The following NSMAF variants were observed in gnomAD, a reference collection of about 807,000 sequenced individuals.
NSMAF encodes the protein neutral sphingomyelinase activation associated factor.
NSMAF carries 90 observed loss-of-function variants against 134.9 expected under a neutral mutation model. That is an observed-to-expected ratio of 0.67 (90% CI 0.56 to 0.79). The LOEUF is 0.79. Ranked by LOEUF, NSMAF falls within the 30% of genes least tolerant of loss-of-function variation. NSMAF has a pLI of 0.00. For synonymous variants in NSMAF, 358 were observed against 389.6 expected (o/e 0.92, Z 0.96); for missense variants, 1,010 against 1,119.0 (o/e 0.90, Z 1.39).
intron 24 of NSMAF, among the ~76,000 whole-genome samples, 175 bp downstream of exon 24, chr8:58,590,692 A>G (rs1806001420): frequency 6.6e-6 from 1 of 152,228 alleles, no homozygotes; most frequent in African/African-American, 2.4e-5. Flanking sequence ...AGAAAGTGGT[A>G]ACCTGAAAAA....
intron 12 of NSMAF, 70 bp downstream of exon 12, chr8:58,605,857 G>T (rs184713109): frequency 0.042 from 58,705 of 1,408,664 alleles, 1,446 homozygotes; most frequent in African/African-American, 0.067. Context: ...TCCAGCCTGG[G>T]TGACAGAGCG....
chr8:58,620,197 T>C (rs1192844808), intron 9 of NSMAF, among the ~76,000 whole-genome samples: 1 of 152,164 alleles, frequency 6.6e-6, no homozygotes, highest in African/African-American at 2.4e-5. Context: ...TAGGTACTTA[T>C]TGCAACTTGA....
chr8:58,606,819 C>G (rs1181633104), intron 11 of NSMAF, among the ~76,000 whole-genome samples: 2 of 152,146 alleles, frequency 1.3e-5, no homozygotes, highest in Non-Finnish European at 2.9e-5. Context: ...ATTTCTTCAC[C>G]TGTAAAATAC....
intron 2 of NSMAF, among the ~76,000 whole-genome samples, chr8:58,638,786 A>G (rs1807261833): frequency 6.6e-6 from 1 of 152,198 alleles, no homozygotes; most frequent in South Asian, 2.1e-4. Flanking sequence ...TACATAAAAC[A>G]AAAAGCTTCT....
At chr8:58,614,900 G>A (rs1806621861) in intron 9 of NSMAF, among the ~76,000 whole-genome samples, 1 of 152,060 alleles carries the variant, frequency 6.6e-6, no homozygotes, top group African/African-American at 2.4e-5. Context: ...TTGAAAAGCA[G>A]AGATTGTCAG....
Position 58,623,765 on chromosome 8 carries a change from CAT to C in NSMAF, c.398_399del (p.Tyr133CysfsTer3), listed in dbSNP as rs1337712671. On this transcript the variant is annotated frameshift_variant, in exon 7 of 31. Transcript: ENST00000038176. LOFTEE classifies it high-confidence loss of function. ...PYKIERGKME[Y>X]VFELDVPGKV... ...TTCCCGGGAACATCCAATTCAAAAA[CAT>C]ATTCCATTTTGCCCTAACAAAAAGG... 6.2e-7 allele frequency: 1 copy of C among 1,614,030 alleles called. No homozygotes were observed. Among genetic ancestry groups the C allele is most frequent in the Non-Finnish European group, 8.5e-7 (1 of 1,179,938 alleles).
intron 1 of NSMAF, among the ~76,000 whole-genome samples, chr8:58,649,486 G>A (rs979472851): frequency 6.6e-6 from 1 of 152,090 alleles, no homozygotes; most frequent in African/African-American, 2.4e-5. Flanking sequence ...AGATTTAGGG[G>A]GCCAGGGGCA....
chr8:58,635,655 G>A, intron 2 of NSMAF, 109 bp from the exon 3 acceptor site: 2 of 657,424 alleles, frequency 3.0e-6, no homozygotes, highest in Non-Finnish European at 5.3e-6. Flanking sequence ...CATAATAAAA[G>A]ATCAATAATG....
Position 58,586,597 on chromosome 8 carries a change from G to A in NSMAF, c.2307C>T (p.Ile769=), listed in dbSNP as rs759885433. ...ELEHDVSVDT[I]SLNAASTLLV... Reference sequence around the variant, plus strand: ...ACAGTGTGCTTGCAGCATTTAAACTGATTGTATCTACCTAAGGAAGAAAAC... The same window carrying A: ...ACAGTGTGCTTGCAGCATTTAAACTAATTGTATCTACCTAAGGAAGAAAAC... Residue 769 remains isoleucine (I), a synonymous_variant, in exon 28 of 31, where the codon ATC becomes ATT. Coordinates refer to ENST00000038176, the MANE Select transcript of NSMAF (RefSeq NM_003580.4). The A allele has an allele frequency of 1.9e-6, 3 of 1,612,442 alleles. No homozygotes were observed. The highest frequency in any genetic ancestry group is 1.1e-5 in the South Asian group (1 of 90,772).
chr8:58,655,766 G>T, intron 1 of NSMAF, among the ~76,000 whole-genome samples: 1 of 151,746 alleles, frequency 6.6e-6, no homozygotes, highest in East Asian at 2.0e-4. Context: ...AATTAGCCGG[G>T]CGCTGTGGTG....
intron 9 of NSMAF, among the ~76,000 whole-genome samples, chr8:58,613,866 C>G (rs533816194): frequency 6.6e-6 from 1 of 152,268 alleles, no homozygotes; most frequent in East Asian, 1.9e-4. Context: ...ATCTGAACTG[C>G]TCCAATGAGC....
intron 9 of NSMAF, among the ~76,000 whole-genome samples, chr8:58,617,449 C>T (rs1222499841): frequency 6.6e-6 from 1 of 152,066 alleles, no homozygotes; most frequent in African/African-American, 2.4e-5. Flanking sequence ...ACAAAGAACT[C>T]AAACAAATTT....
At chr8:58,599,405 T>A in intron 18 of NSMAF, 42 bp from the exon 19 acceptor site, 1 of 1,602,932 alleles carries the variant, frequency 6.2e-7, no homozygotes, top group Non-Finnish European at 8.5e-7. Flanking sequence ...GAGTCTTCAT[T>A]TTTTTCCTCC....
intron 27 of NSMAF, 122 bp from the exon 28 acceptor site, chr8:58,586,730 C>A: frequency 1.4e-6 from 1 of 719,342 alleles, no homozygotes; most frequent in Non-Finnish European, 2.3e-6. Flanking sequence ...TGCAGTATGC[C>A]GGTGTTGCTA....
At chr8:58,586,055 A>G (rs6995115) in intron 28 of NSMAF, 55 bp from the exon 29 acceptor site, 496,101 of 1,360,804 alleles carry the variant, frequency 0.36, 93,618 homozygotes, top group East Asian at 0.58. Flanking sequence ...TGTGGTTTAC[A>G]TTATTCTGGA....
chr8:58,605,989 T>C lies in NSMAF; in HGVS notation c.806A>G (p.Tyr269Cys). 1 of 1,599,144 alleles carries C rather than the reference T, an allele frequency of 6.3e-7. No homozygotes were observed. The highest frequency in any genetic ancestry group is 8.5e-7 in the Non-Finnish European group (1 of 1,175,000). ...ATCTTGAGGTTCATAGAACTTTAGG[T>C]AGATGTCGGAACACAGATCATCTTC... ...CTEDDLCSDI[Y>C]LKFYEPQDRD... Residue 269 changes from tyrosine (Y) to cysteine (C), a missense_variant, in exon 12 of 31, where the codon TAC (tyrosine) becomes TGC (cysteine). Tyr to Cys is a radical substitution (Grantham distance 194, BLOSUM62 -2). Transcript: ENST00000038176.
At chr8:58,632,094 T>A (rs1032488761) in intron 5 of NSMAF, among the ~76,000 whole-genome samples, 1 of 152,188 alleles carries the variant, frequency 6.6e-6, no homozygotes, top group Admixed American at 6.5e-5. Flanking sequence ...CCTGCAACAA[T>A]GGAAGTTACC....
chr8:58,646,461 C>G (rs963158457), intron 1 of NSMAF, among the ~76,000 whole-genome samples: 3 of 152,116 alleles, frequency 2.0e-5, no homozygotes, highest in African/African-American at 7.2e-5. Flanking sequence ...TATTTTAGAA[C>G]TAAAGTCATT....
At chr8:58,639,338 C>A (rs549737326) in intron 2 of NSMAF, among the ~76,000 whole-genome samples, 10 of 151,324 alleles carry the variant, frequency 6.6e-5, no homozygotes, top group Non-Finnish European at 1.2e-4. Context: ...AAATGGCCAA[C>A]AAGCATATGA....
Sources: allele counts gnomAD v4.1 joint callset (sites outside exome capture counted in the v4.1 genomes callset), GRCh38; gene constraint gnomAD v4.1.1; transcripts MANE v1.5; gene names NCBI Gene and HGNC (gene_info 2026-07-23, HGNC 2026-07-21).